HRH1: variants seen among roughly 807,000 people sequenced by gnomAD.
HRH1 encodes the protein histamine H1 receptor.
HRH1 carries 6 observed loss-of-function variants against 10.3 expected under a neutral mutation model. The ratio of observed to expected loss-of-function variants is 0.58; its 90% CI spans 0.32 to 1.15. The LOEUF is 1.15. Ranked by LOEUF, HRH1 falls within the 50% of genes most tolerant of loss-of-function variation. The pLI is 0.05. For missense variants in HRH1, 514 were observed against 615.3 expected (o/e 0.84, Z 1.74); for synonymous variants, 242 against 236.7 (o/e 1.02, Z -0.21).
At chr3:11,145,579 G>A (rs1037253706) in intron 1 of HRH1, among the ~76,000 whole-genome samples, 1 of 152,038 alleles carries the variant, frequency 6.6e-6, no homozygotes, top group Non-Finnish European at 1.5e-5. Context: ...TTTTTTTAAG[G>A]AAAATGAGAT....
upstream of HRH1, among the ~76,000 whole-genome samples, chr3:11,151,848 T>G (rs555040412): frequency 6.6e-6 from 1 of 152,148 alleles, no homozygotes; most frequent in Non-Finnish European, 1.5e-5. Flanking sequence ...ACTATTCTTA[T>G]TTTACATACA....
intron 1 of HRH1, among the ~76,000 whole-genome samples, chr3:11,140,198 C>T (rs1042289206): frequency 5.3e-5 from 8 of 152,234 alleles, no homozygotes; most frequent in African/African-American, 1.9e-4. Context: ...CACATTTGGA[C>T]CTCTATCCAC....
chr3:11,257,266 A>G (rs1447743518), intron 1 of HRH1, among the ~76,000 whole-genome samples: 1 of 149,316 alleles, frequency 6.7e-6, no homozygotes, highest in African/African-American at 2.5e-5. Context: ...AAAAAAAAAA[A>G]AAAAAATGGC....
At chr3:11,151,289 C>T (rs1041394656), upstream of HRH1, among the ~76,000 whole-genome samples, 2 of 152,168 alleles carry the variant, frequency 1.3e-5, no homozygotes, top group Non-Finnish European at 2.9e-5. Flanking sequence ...AAAAGTGGCA[C>T]ATATGTATAA....
In HRH1 at chr3:11,259,130, G is replaced by C. The variant is rs1261410646; in HGVS notation, c.93G>C (p.Val31=). 5 of 1,614,010 alleles carry C rather than the reference G, an allele frequency of 3.1e-6. No homozygotes were observed. The highest frequency in any genetic ancestry group is 4.2e-6 in the Non-Finnish European group (5 of 1,180,030). ...CCAGCCCCCAGCTGATGCCCCTGGTGGTGGTCCTGAGCACTATCTGCTTGG... is the reference window on the plus strand; with the variant it reads ...CCAGCCCCCAGCTGATGCCCCTGGTCGTGGTCCTGAGCACTATCTGCTTGG... ...TMASPQLMPL[V]VVLSTICLVT... Residue 31 remains valine (V), a synonymous_variant, in exon 2 of 2, where the codon GTG becomes GTC. Transcript: ENST00000431010. This position sits in a 1 kb window ranked among gnomAD's most constrained non-coding sequence, Gnocchi z 4.6.
chr3:11,209,120 C>A (rs1938236186), intron 1 of HRH1, among the ~76,000 whole-genome samples: 1 of 152,164 alleles, frequency 6.6e-6, no homozygotes, highest in African/African-American at 2.4e-5. Context: ...TTTTAAGAGT[C>A]TTGCTCTGCT....
rs867417395 is a variant in HRH1, at chr3:11,227,255, A to G, written c.-35-31748A>G. ...CATGGAACCGTAGTGGTTGGGAAGGAAATGCCATTTGCCTATGGGGTGATT... is the reference window on the plus strand; with the variant it reads ...CATGGAACCGTAGTGGTTGGGAAGGGAATGCCATTTGCCTATGGGGTGATT... On this transcript the variant is annotated intron_variant, in intron 1 of 1. Transcript: ENST00000431010. Among the ~76,000 whole-genome samples, 942 of 151,940 alleles carry G rather than the reference A, an allele frequency of 6.2e-3. 7 individuals carry two copies. The highest frequency in any genetic ancestry group is 0.022 in the African/African-American group (895 of 41,466).
At chr3:11,158,564 ATC>A (rs2125007286) in intron 1 of HRH1, among the ~76,000 whole-genome samples, 1 of 152,286 alleles carries the variant, frequency 6.6e-6, no homozygotes, top group East Asian at 1.9e-4. Context: ...TGAACATGGT[ATC>A]TCTCTACTTA....
At chr3:11,233,076 G>C (rs1208962719) in intron 1 of HRH1, among the ~76,000 whole-genome samples, 1 of 151,982 alleles carries the variant, frequency 6.6e-6, no homozygotes, top group Non-Finnish European at 1.5e-5. Context: ...TATGTGCTTT[G>C]ATGTATATTT....
intron 1 of HRH1, among the ~76,000 whole-genome samples, chr3:11,168,621 A>G (rs1319241470): frequency 6.6e-6 from 1 of 152,184 alleles, no homozygotes; most frequent in Non-Finnish European, 1.5e-5. Flanking sequence ...CTATAACATG[A>G]GCGTAATCGT....
At chr3:11,182,071 C>G (rs1343336689) in intron 1 of HRH1, among the ~76,000 whole-genome samples, 1 of 152,168 alleles carries the variant, frequency 6.6e-6, no homozygotes, top group Non-Finnish European at 1.5e-5. Flanking sequence ...CAACCTCCGC[C>G]TCCCTGGTTC....
intron 1 of HRH1, among the ~76,000 whole-genome samples, chr3:11,165,189 T>C (rs1450566566): frequency 6.6e-6 from 1 of 152,202 alleles, no homozygotes; most frequent in Non-Finnish European, 1.5e-5. Flanking sequence ...CTTGACTCCT[T>C]CACTGTGCTG....
chr3:11,190,452 G>A (rs1048079225), intron 1 of HRH1, among the ~76,000 whole-genome samples: 32 of 151,808 alleles, frequency 2.1e-4, no homozygotes, highest in African/African-American at 7.0e-4. Flanking sequence ...GTGCAGTGGC[G>A]CGATCTTGGC....
intron 1 of HRH1, among the ~76,000 whole-genome samples, chr3:11,232,629 C>T (rs1022204705): frequency 6.6e-6 from 1 of 152,194 alleles, no homozygotes; most frequent in East Asian, 1.9e-4. Flanking sequence ...CTCCACCTTT[C>T]CCTATACATT....
chr3:11,190,433 A>T (rs1297617512), intron 1 of HRH1, among the ~76,000 whole-genome samples: 2 of 151,556 alleles, frequency 1.3e-5, no homozygotes, highest in East Asian at 3.9e-4. Flanking sequence ...CCCAGGCTGG[A>T]GTGCTGGAGT....
At chr3:11,233,949 A>G (rs1327846635) in intron 1 of HRH1, among the ~76,000 whole-genome samples, 1 of 152,222 alleles carries the variant, frequency 6.6e-6, no homozygotes, top group African/African-American at 2.4e-5. Context: ...TTCCTGGGTA[A>G]TGGTTTTTAG....
At chr3:11,154,129 G>A (rs1344787061), upstream of HRH1, among the ~76,000 whole-genome samples, 1 of 152,128 alleles carries the variant, frequency 6.6e-6, no homozygotes, top group Non-Finnish European at 1.5e-5. This position sits in a 1 kb window ranked among gnomAD's most constrained non-coding sequence, Gnocchi z 4.4. Context: ...CGTTTTGTGT[G>A]CCCGCAGGTG....
At chr3:11,168,484 G>A (rs749732320) in intron 1 of HRH1, among the ~76,000 whole-genome samples, 1 of 152,226 alleles carries the variant, frequency 6.6e-6, no homozygotes, top group Non-Finnish European at 1.5e-5. Flanking sequence ...AGTGAGAAGC[G>A]AACAGCTTCC....
intron 1 of HRH1, among the ~76,000 whole-genome samples, chr3:11,201,892 AG>A (rs1247557350): frequency 1.3e-5 from 2 of 152,188 alleles, no homozygotes; most frequent in African/African-American, 4.8e-5. Context: ...TCTGCCGCCC[AG>A]GCCTGTGGCA....
Sources: allele counts gnomAD v4.1 joint callset (sites outside exome capture counted in the v4.1 genomes callset), GRCh38; gene constraint gnomAD v4.1.1; non-coding constraint Gnocchi (gnomAD v3.1); transcripts MANE v1.5; gene names NCBI Gene and HGNC (gene_info 2026-07-23, HGNC 2026-07-21).